Variants in USH2A observed in about 807,000 individuals in gnomAD.
The protein encoded by USH2A is usherin.
A neutral mutation model predicts 538.9 loss-of-function variants in USH2A; 443 were observed. The ratio of observed to expected loss-of-function variants is 0.82; its 90% CI spans 0.76 to 0.89. USH2A has a LOEUF of 0.89. USH2A is among the 40% of genes least tolerant of loss of function. The pLI, the probability that USH2A is intolerant of heterozygous loss-of-function variation, is 0.00. For synonymous variants in USH2A, 2,413 were observed against 2,273.5 expected (o/e 1.06, Z -1.75); for missense variants, 6,633 against 6,324.8 (o/e 1.05, Z -1.65).
intron 22 of USH2A, among the ~76,000 whole-genome samples, chr1:216,093,569 C>T (rs1199215886): frequency 6.6e-6 from 1 of 152,116 alleles, no homozygotes; most frequent in Non-Finnish European, 1.5e-5. Flanking sequence ...GCAGTTTGAC[C>T]CCTTTACCCT....
rs569456708 is a variant in USH2A, at chr1:216,418,576, G to A, written c.589C>T (p.Pro197Ser). ...YYRTVNGLQP[P>S]IKVMTLGRIL... ...CTCCCCAGTGTCATTACTTTTATTG[G>A]AGGTTGCAAACCATTTACTGTGCGA... Residue 197 changes from proline to serine, a missense_variant, in exon 3 of 72, where the codon CCA becomes TCA. Pro to Ser is a moderately conservative substitution (Grantham distance 74). Coordinates refer to ENST00000307340, the MANE Select transcript of USH2A (RefSeq NM_206933.4). The A allele has an allele frequency of 6.2e-6, 10 of 1,613,146 alleles. No individual in the cohort carries two copies. The highest frequency in any genetic ancestry group is 1.7e-5 in the Admixed American group (1 of 59,902).
chr1:215,901,304 CG>C (rs2102470600), intron 38 of USH2A: 1 of 302,510 alleles, frequency 3.3e-6, no homozygotes, highest in Non-Finnish European at 6.4e-6. Flanking sequence ...TTCTTCCCCC[CG>C]ATATCATCCA....
At chr1:216,128,566 C>T (rs2033304778) in intron 21 of USH2A, among the ~76,000 whole-genome samples, 1 of 151,998 alleles carries the variant, frequency 6.6e-6, no homozygotes, top group South Asian at 2.1e-4. Context: ...AAACTGTATT[C>T]TTTTTCTCGT....
In USH2A at chr1:216,413,928, A is replaced by T. The variant is rs544922734; in HGVS notation, c.651+4586T>A. On this transcript the variant is annotated intron_variant, in intron 3 of 71. Transcript: ENST00000307340. ...TGTGGAACTGCTTAAGGCAAAATAT[A>T]TTGTCAAAGAAAACCCTAAAGTTTT... Among the ~76,000 whole-genome samples, 30 of 152,266 alleles carry T rather than the reference A, an allele frequency of 2.0e-4. No homozygotes were observed. In the East Asian group the frequency reaches 5.8e-3, roughly 29 times the overall value.
chr1:215,732,604 C>T (rs1218698655), intron 60 of USH2A, among the ~76,000 whole-genome samples: 2 of 118,954 alleles, frequency 1.7e-5, no homozygotes, highest in East Asian at 5.3e-4. Flanking sequence ...TGCAGTGGGG[C>T]AATCTCGGCT....
rs574201264 is a variant in USH2A at position 216,131,631 on chromosome 1, C to G, written c.4628-34418G>C. Among the ~76,000 whole-genome samples the G allele has an allele frequency of 3.9e-5, 6 of 151,902 alleles. 1 individual carries two copies. Among genetic ancestry groups the G allele is most frequent in the Admixed American group, 1.3e-4 (2 of 15,214 alleles). On this transcript the variant is annotated intron_variant, in intron 21 of 71. Transcript: ENST00000307340. ...GGGCCAGTATGTTATATTAGCAAAC[C>G]AATCTATTTGCTATTTCTAAAATTT...
intron 55 of USH2A, among the ~76,000 whole-genome samples, chr1:215,774,977 A>T (rs1387880183): frequency 6.6e-6 from 1 of 151,876 alleles, no homozygotes; most frequent in Admixed American, 6.6e-5. Context: ...TGAAAAGAAA[A>T]CAAATTCTTA....
At chr1:215,766,140 A>G (rs1661120452) in intron 56 of USH2A, among the ~76,000 whole-genome samples, 1 of 152,132 alleles carries the variant, frequency 6.6e-6, no homozygotes, top group Non-Finnish European at 1.5e-5. Context: ...CATTTGTCAA[A>G]ATCCTTGTTT....
At chr1:216,266,789 A>T (rs1218467792) in intron 11 of USH2A, among the ~76,000 whole-genome samples, 1 of 152,110 alleles carries the variant, frequency 6.6e-6, no homozygotes, top group Non-Finnish European at 1.5e-5. Context: ...TTAATGACAT[A>T]TAGAAAACTA....
intron 16 of USH2A, chr1:216,204,037 G>A (rs147556056): frequency 6.1e-6 from 1 of 163,046 alleles, no homozygotes; most frequent in Non-Finnish European, 1.5e-5. Flanking sequence ...CAGGAAAAAG[G>A]ATATAGTCTC....
chr1:216,187,814 A>G (rs1403361936), intron 20 of USH2A, among the ~76,000 whole-genome samples: 2 of 151,946 alleles, frequency 1.3e-5, no homozygotes, highest in Non-Finnish European at 2.9e-5. Flanking sequence ...TCAGAACCCT[A>G]CAAATAAGTT....
intron 69 of USH2A, among the ~76,000 whole-genome samples, chr1:215,635,571 T>TTTATTTA (rs1558031972): frequency 1.5e-4 from 8 of 52,760 alleles, no homozygotes; most frequent in Non-Finnish European, 2.8e-4. Flanking sequence ...TTATTTATTT[T>TTTATTTA]TTGAGATGGA....
intron 45 of USH2A, among the ~76,000 whole-genome samples, chr1:215,844,701 T>TA (rs1663789438): frequency 6.6e-6 from 1 of 152,204 alleles, no homozygotes; most frequent in East Asian, 1.9e-4. Flanking sequence ...GGTAAAATGC[T>TA]TTATACCACC....
intron 4 of USH2A, among the ~76,000 whole-genome samples, chr1:216,355,358 AGAAAGAAAGAAAGAAAGAAG>A (rs1160250620): frequency 3.1e-5 from 4 of 127,666 alleles, no homozygotes; most frequent in Non-Finnish European, 5.6e-5. Flanking sequence ...AAAGAAAGAA[AGAAAGAAAGAAAGAAAGAAG>A]GAAAGAAACA....
intron 13 of USH2A, among the ~76,000 whole-genome samples, chr1:216,239,423 T>C (rs147767757): frequency 4.1e-4 from 62 of 152,226 alleles, no homozygotes; most frequent in African/African-American, 1.4e-3. Flanking sequence ...AGAAAATATA[T>C]AGGGAGCACT....
chr1:216,056,478 A>G (rs2030977420), intron 30 of USH2A, among the ~76,000 whole-genome samples: 1 of 152,202 alleles, frequency 6.6e-6, no homozygotes, highest in Non-Finnish European at 1.5e-5. Flanking sequence ...CAGTAGAGCC[A>G]ATATTAGAAC....
chr1:215,979,231 C>T (rs1667694312), intron 35 of USH2A, among the ~76,000 whole-genome samples: 1 of 152,108 alleles, frequency 6.6e-6, no homozygotes, highest in South Asian at 2.1e-4. Flanking sequence ...AAACATGCCC[C>T]CCATAGTTCA....
intron 64 of USH2A, among the ~76,000 whole-genome samples, chr1:215,657,259 T>C (rs1204890219): frequency 6.6e-6 from 1 of 152,220 alleles, no homozygotes; most frequent in East Asian, 1.9e-4. Flanking sequence ...CATTTTCCCA[T>C]GGCACTCACG....
At chr1:215,795,006 T>C in intron 50 of USH2A, among the ~76,000 whole-genome samples, 1 of 152,230 alleles carries the variant, frequency 6.6e-6, no homozygotes, top group African/African-American at 2.4e-5. Context: ...AGATGTATTT[T>C]ACTTCATGCC....
Sources: allele counts gnomAD v4.1 joint callset (sites outside exome capture counted in the v4.1 genomes callset), GRCh38; gene constraint gnomAD v4.1.1; transcripts MANE v1.5; gene names NCBI Gene and HGNC (gene_info 2026-07-23, HGNC 2026-07-21).